Variants in TAFA5 observed in about 807,000 individuals in gnomAD.
TAFA5 encodes the protein TAFA chemokine like family member 5.
TAFA5 carries 6 observed loss-of-function variants against 15.3 expected under a neutral mutation model. The ratio of observed to expected loss-of-function variants is 0.39; its 90% CI spans 0.21 to 0.77. The LOEUF (loss-of-function observed/expected upper bound fraction) is 0.77. Ranked by LOEUF, TAFA5 falls within the 30% of genes least tolerant of loss-of-function variation. TAFA5 has a pLI of 0.41. For synonymous variants in TAFA5, 103 were observed against 80.7 expected (o/e 1.28, Z -1.48); for missense variants, 161 against 193.1 (o/e 0.83, Z 0.98).
At chr22:48,705,967 G>A (rs1170242107) in intron 2 of TAFA5, among the ~76,000 whole-genome samples, 2 of 152,226 alleles carry the variant, frequency 1.3e-5, no homozygotes, top group East Asian at 1.9e-4. Flanking sequence ...AGGTGACATG[G>A]AATAGAAAAC....
chr22:48,591,486 C>T (rs1924565708), intron 1 of TAFA5, among the ~76,000 whole-genome samples: 1 of 152,244 alleles, frequency 6.6e-6, no homozygotes, highest in African/African-American at 2.4e-5. Flanking sequence ...GGATGGAGAG[C>T]ACAGACAGAG....
At chr22:48,654,969 G>C (rs1253816210) in intron 2 of TAFA5, among the ~76,000 whole-genome samples, 1 of 152,222 alleles carries the variant, frequency 6.6e-6, no homozygotes, top group African/African-American at 2.4e-5. Flanking sequence ...TGCGGGCCCA[G>C]AGCTGAGTCA....
chr22:48,563,634 G>T (rs77096789), intron 1 of TAFA5, among the ~76,000 whole-genome samples: 1 of 152,108 alleles, frequency 6.6e-6, no homozygotes, highest in Non-Finnish European at 1.5e-5. Context: ...TCTGCCCCTC[G>T]GACTCCTCTG....
chr22:48,643,223 G>A (rs916577310), intron 1 of TAFA5, among the ~76,000 whole-genome samples: 2 of 152,246 alleles, frequency 1.3e-5, no homozygotes, highest in African/African-American at 2.4e-5. Flanking sequence ...AACGTGTACC[G>A]TTCAGGCTGC....
intron 1 of TAFA5, among the ~76,000 whole-genome samples, chr22:48,645,625 G>A (rs6010558): frequency 4.7e-4 from 71 of 152,260 alleles, no homozygotes; most frequent in African/African-American, 1.6e-3. Flanking sequence ...TGGGGTATCT[G>A]TAATGTGGGG....
intron 3 of TAFA5, among the ~76,000 whole-genome samples, chr22:48,748,812 A>T (rs1471408919): frequency 6.6e-6 from 1 of 152,150 alleles, no homozygotes; most frequent in East Asian, 1.9e-4. Context: ...CCCCTGGCTG[A>T]GTAAGGAATT....
At chr22:48,731,534 G>A (rs1929869001) in intron 3 of TAFA5, among the ~76,000 whole-genome samples, 1 of 152,210 alleles carries the variant, frequency 6.6e-6, no homozygotes, top group African/African-American at 2.4e-5. Flanking sequence ...CTGGTGACTT[G>A]AAGTTGAAGC....
intron 1 of TAFA5, among the ~76,000 whole-genome samples, chr22:48,641,806 C>T (rs1926690439): frequency 6.6e-6 from 1 of 152,146 alleles, no homozygotes; most frequent in African/African-American, 2.4e-5. Flanking sequence ...CCCAAGCACT[C>T]GGCCTGGGCT....
chr22:48,664,112 G>A (rs4925398), intron 2 of TAFA5, among the ~76,000 whole-genome samples: 113,642 of 152,188 alleles, frequency 0.75, 42,569 homozygotes, highest in South Asian at 0.82. Flanking sequence ...TATAAAAAGT[G>A]CATAGTTAAG....
intron 1 of TAFA5, among the ~76,000 whole-genome samples, chr22:48,493,581 G>A (rs529165464): frequency 2.0e-5 from 3 of 152,206 alleles, no homozygotes; most frequent in South Asian, 2.1e-4. Flanking sequence ...AAGTGGTGCC[G>A]TTCAGAAGTT....
chr22:48,507,413 C>T (rs1569162150), intron 1 of TAFA5, among the ~76,000 whole-genome samples: 1 of 152,206 alleles, frequency 6.6e-6, no homozygotes, highest in South Asian at 2.1e-4. Context: ...CTGTGAACCC[C>T]CAACCCGGAG....
intron 1 of TAFA5, among the ~76,000 whole-genome samples, chr22:48,631,163 C>T (rs1040572626): frequency 3.3e-5 from 5 of 152,192 alleles, no homozygotes; most frequent in African/African-American, 1.2e-4. Context: ...GCTGGGATGA[C>T]CTGCCATCTG....
chr22:48,603,970 T>C (rs1234774797), intron 1 of TAFA5, among the ~76,000 whole-genome samples: 1 of 152,142 alleles, frequency 6.6e-6, no homozygotes, highest in African/African-American at 2.4e-5. Flanking sequence ...CTCTTATTAT[T>C]TGGGGGACCT....
chr22:48,714,635 C>T (rs532986517), intron 3 of TAFA5, among the ~76,000 whole-genome samples: 6 of 152,304 alleles, frequency 3.9e-5, no homozygotes, highest in South Asian at 2.1e-4. Flanking sequence ...AGGTGAAAAT[C>T]GACGTTCTGA....
At chr22:48,672,454 A>AG (rs1238410398) in intron 2 of TAFA5, among the ~76,000 whole-genome samples, 5 of 152,228 alleles carry the variant, frequency 3.3e-5, no homozygotes, top group Admixed American at 6.5e-5. Flanking sequence ...TACATTTATC[A>AG]GGGGAAAAAA....
Position 48,698,883 on chromosome 22 carries a change from C to G in TAFA5, c.263-8834C>G, listed in dbSNP as rs188608765. On this transcript the variant is annotated intron_variant, in intron 2 of 3. Transcript: ENST00000402357. ...TCCAGCACTAACTGTGCCTCCTGCT[C>G]TACTGACCAGCCCAGAGCCCTGTTC... 3.8e-4 allele frequency among the ~76,000 whole-genome samples: 58 copies of G among 151,040 alleles called. 3 individuals carry two copies. The East Asian group carries it at 0.011, about 28-fold the overall frequency.
intron 1 of TAFA5, among the ~76,000 whole-genome samples, chr22:48,575,238 G>A (rs1249568035): frequency 2.0e-5 from 3 of 152,100 alleles, no homozygotes; most frequent in Admixed American, 6.6e-5. Flanking sequence ...TGAGGCCCCT[G>A]CGCACCTAGG....
intron 2 of TAFA5, among the ~76,000 whole-genome samples, chr22:48,663,202 A>G (rs909806242): frequency 2.6e-5 from 4 of 152,178 alleles, no homozygotes; most frequent in Non-Finnish European, 4.4e-5. Flanking sequence ...GGTTTCATTT[A>G]CCATTGGGAA....
intron 1 of TAFA5, among the ~76,000 whole-genome samples, chr22:48,579,328 C>A (rs1265159707): frequency 6.6e-6 from 1 of 152,222 alleles, no homozygotes; most frequent in East Asian, 1.9e-4. Flanking sequence ...GGGTCCGGCA[C>A]TGGGGCCTGG....
Sources: allele counts gnomAD v4.1 joint callset (sites outside exome capture counted in the v4.1 genomes callset), GRCh38; gene constraint gnomAD v4.1.1; transcripts MANE v1.5; gene names NCBI Gene and HGNC (gene_info 2026-07-23, HGNC 2026-07-21).